Variants in SPAG17 observed in about 807,000 individuals in gnomAD.
The protein encoded by SPAG17 is sperm-associated antigen 17.
Under a neutral mutation model 273.6 loss-of-function variants are expected in SPAG17, and 169 were observed. The ratio of observed to expected loss-of-function variants is 0.62; its 90% CI spans 0.55 to 0.70. The LOEUF (loss-of-function observed/expected upper bound fraction) is 0.70, where lower values mean the gene tolerates loss of function less well. Ranked by LOEUF, SPAG17 falls within the 30% of genes least tolerant of loss-of-function variation. The pLI, the probability that SPAG17 is intolerant of heterozygous loss-of-function variation, is 0.00. For missense variants in SPAG17, 2,557 were observed against 2,627.8 expected (o/e 0.97, Z 0.59); for synonymous variants, 825 against 873.2 (o/e 0.94, Z 0.97).
chr1:118,034,265 G>C (rs919490490), intron 24 of SPAG17, among the ~76,000 whole-genome samples: 1 of 152,196 alleles, frequency 6.6e-6, no homozygotes, highest in Non-Finnish European at 1.5e-5. Context: ...ACAATGCTGT[G>C]TGTTCAGTCT....
intron 42 of SPAG17, among the ~76,000 whole-genome samples, chr1:117,981,669 G>T (rs1219792637): frequency 1.3e-5 from 2 of 152,178 alleles, no homozygotes; most frequent in Non-Finnish European, 2.9e-5. Context: ...TGGGCATTAT[G>T]ACTAAATAGT....
At chr1:118,070,247 C>T (rs1653446132) in intron 17 of SPAG17, among the ~76,000 whole-genome samples, 1 of 151,950 alleles carries the variant, frequency 6.6e-6, no homozygotes, top group African/African-American at 2.4e-5. Context: ...AAGCCAAGTC[C>T]TAAGATTAAT....
chr1:118,178,552 C>T (rs574793146), intron 1 of SPAG17, among the ~76,000 whole-genome samples: 36 of 152,092 alleles, frequency 2.4e-4, no homozygotes, highest in Admixed American at 2.6e-4. Context: ...AATTTTACCA[C>T]TTTTATTCAA....
At chr1:117,957,167 T>A (rs1333475074) in intron 48 of SPAG17, 1 of 1,612,338 alleles carries the variant, frequency 6.2e-7, no homozygotes, top group Non-Finnish European at 8.5e-7. Context: ...ATGTTGAACT[T>A]ATATGCCGGT....
chr1:117,955,626 T>C (rs1652082094), intron 48 of SPAG17, among the ~76,000 whole-genome samples: 1 of 152,120 alleles, frequency 6.6e-6, no homozygotes, highest in Non-Finnish European at 1.5e-5. Flanking sequence ...ATAATTCAAT[T>C]AGAAGCACCA....
At chr1:117,995,612 T>C (rs1657562594) in intron 34 of SPAG17, among the ~76,000 whole-genome samples, 1 of 150,874 alleles carries the variant, frequency 6.6e-6, no homozygotes, top group Non-Finnish European at 1.5e-5. Flanking sequence ...ATTGATAAAC[T>C]AAAAGTTATA....
In SPAG17 at chr1:118,098,127, G is replaced by A. The variant is rs578167937; in HGVS notation, c.830-276C>T. Among the ~76,000 whole-genome samples, 3 of 152,240 alleles carry A rather than the reference G, an allele frequency of 2.0e-5. No individual in the cohort carries two copies. The South Asian group carries it at 6.2e-4, about 32-fold the overall frequency. On this transcript the variant is annotated intron_variant, in intron 6 of 48. Transcript: ENST00000336338. ...ATTATGACTACGTCACACATTTTGG[G>A]AGCTAAATATGTTCAAGATTTCCAT...
At chr1:117,985,366 C>A (rs547115098) in intron 40 of SPAG17, among the ~76,000 whole-genome samples, 1 of 152,292 alleles carries the variant, frequency 6.6e-6, no homozygotes, top group South Asian at 2.1e-4. Context: ...AGTCCAGGAG[C>A]TTTTAAAGAG....
chr1:118,090,219 G>T lies in SPAG17; in HGVS notation c.1359+1387C>A, dbSNP rs183604183. Among the ~76,000 whole-genome samples the T allele has an allele frequency of 2.0e-5, 3 of 152,272 alleles. No homozygotes were observed. The East Asian group carries it at 5.8e-4, about 29-fold the overall frequency. ...CCTGGCGCCTGTAAGTGCTACATAT[G>T]TGCTACTAGTATGAATCACAAACTC... is the stretch of plus-strand genomic sequence containing the variant. On this transcript the variant is annotated intron_variant, in intron 10 of 48. Transcript: ENST00000336338.
chr1:118,037,688 G>A (rs77255787), intron 23 of SPAG17, among the ~76,000 whole-genome samples: 2,499 of 152,164 alleles, frequency 0.016, 49 homozygotes, highest in South Asian at 0.077. Flanking sequence ...TTAGTTTTTC[G>A]TGGCTGCATA....
At position 118,169,341 on chromosome 1, in the gene SPAG17, C is replaced by A. The variant is rs1010112692; in HGVS notation, c.87+15730G>T. ...TTGTTTTCATTGGCTTTCATTAAAA[C>A]AACCTTTGTGTGAACTGGCAATTTG... On this transcript the variant is annotated intron_variant, in intron 1 of 48. Coordinates refer to ENST00000336338, the MANE Select transcript of SPAG17 (RefSeq NM_206996.4). Among the ~76,000 whole-genome samples, 8 of 152,154 alleles carry A rather than the reference C, an allele frequency of 5.3e-5. No homozygotes were observed. In the East Asian group the frequency reaches 1.5e-3, roughly 29 times the overall value.
chr1:117,954,092 G>A lies in SPAG17; in HGVS notation c.*1-43C>T, dbSNP rs1241855640. On this transcript the variant is annotated intron_variant, in intron 48 of 48. Coordinates refer to ENST00000336338, the MANE Select transcript of SPAG17 (RefSeq NM_206996.4). ...CACAAAGCCATTTGTAAAGCTGCAGGGAAAGAGGTAATAAGAGAGTACAGT... is the reference window on the plus strand; with the variant it reads ...CACAAAGCCATTTGTAAAGCTGCAGAGAAAGAGGTAATAAGAGAGTACAGT... 6.2e-7 allele frequency: 1 copy of A among 1,611,636 alleles called. No homozygotes were observed. Among genetic ancestry groups the A allele is most frequent in the South Asian group, 1.1e-5 (1 of 90,940 alleles).
Position 117,957,149 on chromosome 1 carries a change from G to A in SPAG17, c.*1-3100C>T, listed in dbSNP as rs534695007. 1.9e-6 allele frequency: 3 copies of A among 1,612,270 alleles called. No homozygotes were observed. The East Asian group carries it at 6.7e-5, about 36-fold the overall frequency. ...AACTCTTTAACGAATTCATTCAGCTGGGCTCTGATGTTGAACTTATATGCC... is the reference window on the plus strand; with the variant it reads ...AACTCTTTAACGAATTCATTCAGCTAGGCTCTGATGTTGAACTTATATGCC... On this transcript the variant is annotated intron_variant, in intron 48 of 48. Coordinates refer to ENST00000336338, the MANE Select transcript of SPAG17 (RefSeq NM_206996.4).
chr1:118,136,393 TCC>T (rs1451262144), intron 3 of SPAG17, among the ~76,000 whole-genome samples: 1 of 152,134 alleles, frequency 6.6e-6, no homozygotes, highest in African/African-American at 2.4e-5. Context: ...TGCATGTACA[TCC>T]CCTCAGGATC....
chr1:118,144,382 C>G (rs377560925), intron 3 of SPAG17, among the ~76,000 whole-genome samples: 12 of 152,264 alleles, frequency 7.9e-5, no homozygotes, highest in East Asian at 7.7e-4. Flanking sequence ...TCTTCATAGC[C>G]CTTTGTAACC....
At chr1:118,114,479 T>A (rs1487911156) in intron 4 of SPAG17, among the ~76,000 whole-genome samples, 1 of 152,150 alleles carries the variant, frequency 6.6e-6, no homozygotes, top group African/African-American at 2.4e-5. Flanking sequence ...CACTTTTCTG[T>A]TTTTTCTTCC....
At position 117,984,553 on chromosome 1, in the gene SPAG17, A is replaced by G. The variant is rs116500353; in HGVS notation, c.5769+130T>C. On this transcript the variant is annotated intron_variant, in intron 41 of 48. Transcript: ENST00000336338. ...GTGAGAATATGGATTTGAAGGGTAC[A>G]GGTTAGTCAGCCAGGTCGATGCAGG... The G allele has an allele frequency of 2.3e-3, 1,413 of 618,076 alleles. 20 individuals are homozygous for G. In the African/African-American group the frequency reaches 0.024, roughly 11 times the overall value. The allele number at this position is 618,076 out of a possible 1,614,324, so 38.3% of individuals were successfully genotyped here. A position where few individuals can be genotyped will look rare whatever the true frequency, so the allele number is the denominator to read the frequency against.
At chr1:117,972,400 C>T (rs1654661757) in intron 44 of SPAG17, among the ~76,000 whole-genome samples, 2 of 152,242 alleles carry the variant, frequency 1.3e-5, no homozygotes, top group African/African-American at 2.4e-5. Context: ...CTCATAAATA[C>T]ACAGATTGCT....
chr1:118,149,584 C>T (rs749246301), intron 3 of SPAG17, among the ~76,000 whole-genome samples: 5 of 152,078 alleles, frequency 3.3e-5, no homozygotes, highest in Non-Finnish European at 7.4e-5. Flanking sequence ...TGGTGAGCGC[C>T]GCGTAGCAAG....
Sources: gnomAD v4.1 joint callset for allele counts (sites outside exome capture counted in the v4.1 genomes callset) on GRCh38, gnomAD v4.1.1 for gene constraint, MANE v1.5 for transcripts, NCBI Gene and HGNC (gene_info 2026-07-23, HGNC 2026-07-21) for gene names.